SLAIN2: variants seen among roughly 807,000 people sequenced by gnomAD.
SLAIN2 encodes SLAIN family member 2, also known as SLAIN motif-containing protein 2.
A neutral mutation model predicts 56.6 loss-of-function variants in SLAIN2; 31 were observed. That is an observed-to-expected ratio of 0.55 (90% CI 0.41 to 0.74). The LOEUF is 0.74. SLAIN2 is among the 30% of genes least tolerant of loss of function. SLAIN2 has a pLI of 0.00. For synonymous variants in SLAIN2, 317 were observed against 284.9 expected, an observed-to-expected ratio of 1.11 and a Z score of -1.13; for missense variants, 777 against 754.2, an observed-to-expected ratio of 1.03 and a Z score of -0.35.
At chr4:48,417,840 GGGAT>G (rs1202412527) in intron 6 of SLAIN2, among the ~76,000 whole-genome samples, 15 of 151,910 alleles carry the variant, frequency 9.9e-5, no homozygotes, top group Non-Finnish European at 1.8e-4. Context: ...AGGTATTGAT[GGGAT>G]GTATTTCAAA....
In SLAIN2 at chr4:48,341,535, G is replaced by C. The variant is rs1262585556; in HGVS notation, c.-205G>C. On this transcript the variant is annotated 5_prime_UTR_variant, in exon 1 of 8. Transcript: ENST00000264313. ...TATTGGCGCCGCCTCCCCCAATCCCGGAGCCGGCGCAGATGAGGCAGTTCG... is the reference window on the plus strand; with the variant it reads ...TATTGGCGCCGCCTCCCCCAATCCCCGAGCCGGCGCAGATGAGGCAGTTCG... 1.5e-6 allele frequency: 1 copy of C among 667,600 alleles called. No homozygotes were observed. Among genetic ancestry groups the C allele is most frequent in the Non-Finnish European group, 2.2e-6 (1 of 451,514 alleles). 41.4% of individuals were successfully genotyped at this position (667,600 alleles called of 1,614,324 possible).
intron 1 of SLAIN2, among the ~76,000 whole-genome samples, chr4:48,349,972 AC>A (rs1714969625): frequency 6.6e-6 from 1 of 152,332 alleles, no homozygotes; most frequent in East Asian, 1.9e-4. Context: ...GGCAAAAAAA[AC>A]ATTTATTGAA....
intron 6 of SLAIN2, among the ~76,000 whole-genome samples, chr4:48,401,135 A>T (rs1716542576): frequency 6.6e-6 from 1 of 151,946 alleles, no homozygotes; most frequent in Non-Finnish European, 1.5e-5. Flanking sequence ...TTTTAATTTG[A>T]TTGTGCTGTG....
intron 1 of SLAIN2, among the ~76,000 whole-genome samples, chr4:48,369,008 C>T (rs1409332650): frequency 6.6e-6 from 1 of 152,146 alleles, no homozygotes; most frequent in South Asian, 2.1e-4. Flanking sequence ...AGATTATTGA[C>T]TCCTTATTGA....
At chr4:48,342,234 C>T (rs1434057001) in intron 1 of SLAIN2, 106 bp downstream of exon 1, 3 of 1,282,072 alleles carry the variant, frequency 2.3e-6, no homozygotes, top group Non-Finnish European at 3.0e-6. Context: ...GTAGCCGGGT[C>T]CGCTCTCCTG....
In SLAIN2 at chr4:48,359,033, G is replaced by A. The variant is rs543483852; in HGVS notation, c.390-10816G>A. On this transcript the variant is annotated intron_variant, in intron 1 of 7. Coordinates refer to ENST00000264313, the MANE Select transcript of SLAIN2 (RefSeq NM_020846.2). The stretch of plus-strand genomic sequence containing the variant: ...ACCACGCCCAGCCTAAAGATAATAA[G>A]ATAAACTTTTATTAAAGTTTTTTTA... Among the ~76,000 whole-genome samples the A allele has an allele frequency of 5.3e-5, 8 of 152,246 alleles. No homozygotes were observed. The South Asian group carries it at 1.7e-3, about 32-fold the overall frequency.
chr4:48,398,897 G>A (rs1716477990), intron 6 of SLAIN2, among the ~76,000 whole-genome samples: 1 of 152,140 alleles, frequency 6.6e-6, no homozygotes, highest in South Asian at 2.1e-4. Flanking sequence ...GGTAACTCTA[G>A]CCTTGTAGTA....
intron 1 of SLAIN2, among the ~76,000 whole-genome samples, chr4:48,367,375 A>G (rs577676012): frequency 1.3e-5 from 2 of 152,362 alleles, no homozygotes; most frequent in African/African-American, 4.8e-5. Context: ...CTCCCTTTTC[A>G]TCACTATGAA....
At chr4:48,358,760 G>A (rs1229144218) in intron 1 of SLAIN2, among the ~76,000 whole-genome samples, 4 of 150,514 alleles carry the variant, frequency 2.7e-5, no homozygotes, top group Non-Finnish European at 4.4e-5. Flanking sequence ...CACTCTTGTC[G>A]TCCAGGCTGG....
chr4:48,348,746 G>A (rs1194365704), intron 1 of SLAIN2, among the ~76,000 whole-genome samples: 4 of 151,854 alleles, frequency 2.6e-5, no homozygotes, highest in African/African-American at 9.7e-5. Flanking sequence ...TTAAGTGTGA[G>A]GAGATATTTA....
rs1343679185 is a variant in SLAIN2 at position 48,426,160 on chromosome 4, G to A, written c.*4083G>A. 2.6e-5 allele frequency: 4 copies of A among 151,326 alleles called. No homozygotes were observed. Among genetic ancestry groups the A allele is most frequent in the Non-Finnish European group, 5.9e-5 (4 of 67,834 alleles). The allele number at this position is 151,326 out of a possible 1,614,324, so 9.4% of individuals were successfully genotyped here. ...GGGTAGAAGGTCTTTTTTTTTTTAAGGAGAAAATGTTTCTTTTAAATAAAT... is the reference window on the plus strand; with the variant it reads ...GGGTAGAAGGTCTTTTTTTTTTTAAAGAGAAAATGTTTCTTTTAAATAAAT... On this transcript the variant is annotated 3_prime_UTR_variant, in exon 8 of 8. Coordinates refer to ENST00000264313, the MANE Select transcript of SLAIN2 (RefSeq NM_020846.2).
At chr4:48,382,431 C>G in intron 4 of SLAIN2, 137 bp from the exon 5 acceptor site, 1 of 813,392 alleles carries the variant, frequency 1.2e-6, no homozygotes, top group Non-Finnish European at 1.8e-6. Flanking sequence ...CTATATAAGT[C>G]TAAAAGCAGA....
chr4:48,386,102 A>C (rs1050051763), intron 6 of SLAIN2, among the ~76,000 whole-genome samples: 6 of 151,646 alleles, frequency 4.0e-5, no homozygotes, highest in African/African-American at 1.5e-4. Flanking sequence ...AAAAAAAAAA[A>C]AAAAAAAGCT....
intron 1 of SLAIN2, among the ~76,000 whole-genome samples, chr4:48,353,985 C>CT (rs1198617150): frequency 6.6e-6 from 1 of 152,024 alleles, no homozygotes; most frequent in Non-Finnish European, 1.5e-5. Context: ...AAAGATGATG[C>CT]TATTTTGAGG....
chr4:48,420,089 C>A, intron 6 of SLAIN2, 36 bp from the exon 7 acceptor site: 1 of 1,599,352 alleles, frequency 6.3e-7, no homozygotes, highest in Non-Finnish European at 8.6e-7. Context: ...ATACAGATTT[C>A]CACTCAAAAA....
intron 1 of SLAIN2, among the ~76,000 whole-genome samples, chr4:48,365,009 A>G (rs1560453297): frequency 6.6e-6 from 1 of 152,018 alleles, no homozygotes; most frequent in Non-Finnish European, 1.5e-5. Flanking sequence ...CTAGGAATTA[A>G]TCTGTTTTAT....
intron 1 of SLAIN2, among the ~76,000 whole-genome samples, chr4:48,365,440 A>C (rs1388443462): frequency 9.6e-6 from 1 of 103,850 alleles, no homozygotes; most frequent in Non-Finnish European, 1.8e-5. Context: ...GCAAGACTCC[A>C]TCTCAAAAAA....
At chr4:48,420,667 C>T (rs1360167038) in intron 7 of SLAIN2, among the ~76,000 whole-genome samples, 4 of 152,170 alleles carry the variant, frequency 2.6e-5, no homozygotes, top group South Asian at 4.2e-4. Context: ...AGTTGCCTAA[C>T]GTGATTAAGC....
At chr4:48,369,291 C>G (rs1217495875) in intron 1 of SLAIN2, among the ~76,000 whole-genome samples, 1 of 152,160 alleles carries the variant, frequency 6.6e-6, no homozygotes, top group East Asian at 1.9e-4. Context: ...AATACTGTCT[C>G]TTGGTCCTTT....
Sources: allele counts gnomAD v4.1 joint callset (sites outside exome capture counted in the v4.1 genomes callset), GRCh38; gene constraint gnomAD v4.1.1; transcripts MANE v1.5; gene names NCBI Gene and HGNC (gene_info 2026-07-23, HGNC 2026-07-21).